The following TLK2 variants were observed in gnomAD, a reference collection of about 807,000 sequenced individuals.
TLK2 encodes the protein serine/threonine-protein kinase tousled-like 2.
In TLK2, 6 loss-of-function variants were observed where a neutral mutation model predicts 117.3. That is an observed-to-expected ratio of 0.05 (90% confidence interval 0.03 to 0.10). The LOEUF (loss-of-function observed/expected upper bound fraction) is 0.10, where lower values mean the gene tolerates loss of function less well. Ranked by LOEUF, TLK2 falls within the 10% of genes least tolerant of loss-of-function variation. The pLI is 1.00. For missense variants in TLK2, 299 were observed against 901.2 expected, an observed-to-expected ratio of 0.33 and a Z score of 8.56; for synonymous variants, 257 against 316.7, an observed-to-expected ratio of 0.81 and a Z score of 2.00.
At chr17:62,505,982 C>T (rs1178317976) in intron 2 of TLK2, among the ~76,000 whole-genome samples, 2 of 152,158 alleles carry the variant, frequency 1.3e-5, no homozygotes, top group East Asian at 3.8e-4. Context: ...TGTGAGCCTC[C>T]GCACCCAGTC....
intron 6 of TLK2, among the ~76,000 whole-genome samples, chr17:62,526,444 C>G (rs917660649): frequency 1.6e-4 from 25 of 152,280 alleles, no homozygotes; most frequent in Admixed American, 1.2e-3. Context: ...ATCAGAAGAG[C>G]ATTTCCACAT....
At chr17:62,558,255 G>A (rs978836171) in intron 9 of TLK2, among the ~76,000 whole-genome samples, 1 of 151,076 alleles carries the variant, frequency 6.6e-6, no homozygotes, top group African/African-American at 2.4e-5. Flanking sequence ...CTGCAGCCTC[G>A]ACCTCCCAGG....
chr17:62,553,883 T>C (rs1230089737), intron 9 of TLK2, 128 bp downstream of exon 9: 13 of 640,092 alleles, frequency 2.0e-5, no homozygotes, highest in Admixed American at 3.1e-5. Context: ...TGGGTATTTT[T>C]CTTTAATTGA....
chr17:62,536,662 A>G (rs1224688729), intron 7 of TLK2, among the ~76,000 whole-genome samples: 5 of 152,224 alleles, frequency 3.3e-5, no homozygotes, highest in African/African-American at 1.2e-4. Context: ...ACCAAGATAT[A>G]ATTAAAAATA....
At chr17:62,521,442 T>C (rs2076043117) in intron 3 of TLK2, among the ~76,000 whole-genome samples, 1 of 152,240 alleles carries the variant, frequency 6.6e-6, no homozygotes, top group Admixed American at 6.5e-5. Flanking sequence ...CCTCGCTCTG[T>C]CATGCAGGTC....
intron 2 of TLK2, among the ~76,000 whole-genome samples, chr17:62,498,390 CT>C (rs34118887): frequency 0.39 from 55,033 of 142,690 alleles, 9,793 homozygotes; most frequent in Admixed American, 0.43. Flanking sequence ...GAAAGCCCCC[CT>C]TTTTTTTTTT....
intron 2 of TLK2, among the ~76,000 whole-genome samples, chr17:62,493,518 T>C (rs930764274): frequency 3.9e-5 from 6 of 152,222 alleles, no homozygotes; most frequent in Admixed American, 1.3e-4. Context: ...GAAGTTGAAT[T>C]GTTGGATCAT....
At position 62,614,615 on chromosome 17, in the gene TLK2, A is replaced by C. The variant is rs766911108; in HGVS notation, c.*2050A>C. The C allele has an allele frequency of 1.3e-5, 2 of 152,174 alleles. No homozygotes were observed. Among genetic ancestry groups the C allele is most frequent in the Non-Finnish European group, 2.9e-5 (2 of 68,030 alleles). The allele number at this position is 152,174 out of a possible 1,614,324, so 9.4% of individuals were successfully genotyped here. A position where few individuals can be genotyped will look rare whatever the true frequency, so the allele number is the denominator to read the frequency against. Reference sequence around the variant, plus strand: ...AGTGTTTCAAATTGGAGAGAAGTTCATGGGTAGGTATCGTCCTGTGGAATT... The same window carrying C: ...AGTGTTTCAAATTGGAGAGAAGTTCCTGGGTAGGTATCGTCCTGTGGAATT... On this transcript the variant is annotated 3_prime_UTR_variant, in exon 22 of 22. Transcript: ENST00000346027.
intron 15 of TLK2, among the ~76,000 whole-genome samples, 155 bp downstream of exon 15, chr17:62,580,347 A>G (rs185789112): frequency 3.9e-5 from 6 of 152,290 alleles, no homozygotes; most frequent in Admixed American, 6.5e-5. Flanking sequence ...ACAGCTTTCA[A>G]TAAACCTAAG....
intron 8 of TLK2, 86 bp from the exon 9 acceptor site, chr17:62,553,577 C>A (rs576540391): frequency 7.7e-6 from 7 of 910,796 alleles, no homozygotes; most frequent in Non-Finnish European, 1.2e-5. Flanking sequence ...TTTTTCCCAC[C>A]CCCCCGAGAA....
intron 20 of TLK2, among the ~76,000 whole-genome samples, chr17:62,606,901 A>G (rs1013637406): frequency 2.6e-5 from 4 of 151,908 alleles, no homozygotes; most frequent in Non-Finnish European, 5.9e-5. Context: ...GGCTGTGGGT[A>G]TAAGCCAGAT....
intron 11 of TLK2, among the ~76,000 whole-genome samples, chr17:62,570,617 A>G (rs189959839): frequency 2.6e-5 from 4 of 152,288 alleles, no homozygotes; most frequent in Non-Finnish European, 5.9e-5. Flanking sequence ...AGGAACATCA[A>G]GAATTGATAT....
At chr17:62,516,805 C>G in intron 2 of TLK2, 1 of 1,291,196 alleles carries the variant, frequency 7.7e-7, no homozygotes, top group Non-Finnish European at 1.1e-6. Flanking sequence ...GGCTGGAAAG[C>G]TAGTTTTAGT....
At chr17:62,604,568 A>C (rs989416849) in intron 19 of TLK2, among the ~76,000 whole-genome samples, 10 of 152,306 alleles carry the variant, frequency 6.6e-5, no homozygotes, top group Middle Eastern at 3.4e-3. Flanking sequence ...AGACCTAGAA[A>C]GGGATTTGCC....
chr17:62,549,121 C>T (rs1462289766), intron 7 of TLK2, among the ~76,000 whole-genome samples: 4 of 146,656 alleles, frequency 2.7e-5, no homozygotes, highest in Non-Finnish European at 3.0e-5. Flanking sequence ...GGGCCGGGCG[C>T]GGTGGCTCAC....
rs974841844 is a variant in TLK2 at position 62,600,915 on chromosome 17, A to G, written c.1720+95A>G. On this transcript the variant is annotated intron_variant, in intron 18 of 21. Coordinates refer to ENST00000346027, the MANE Select transcript of TLK2 (RefSeq NM_006852.6). Reference sequence around the variant, plus strand: ...AAAGTTAGAGAATTTCACAGCAGCCAAGAAAGGCTAATAACATCTGACTTT... The same window carrying G: ...AAAGTTAGAGAATTTCACAGCAGCCGAGAAAGGCTAATAACATCTGACTTT... 8 of 1,254,948 alleles carry G rather than the reference A, an allele frequency of 6.4e-6. No homozygotes were observed. In the African/African-American group the frequency reaches 9.1e-5, roughly 14 times the overall value. The allele number at this position is 1,254,948 out of a possible 1,614,324, so 77.7% of individuals were successfully genotyped here.
chr17:62,498,408 G>A (rs1008280917), intron 2 of TLK2, among the ~76,000 whole-genome samples: 3 of 85,620 alleles, frequency 3.5e-5, no homozygotes, highest in African/African-American at 9.2e-5. Context: ...TTTTTTTTTT[G>A]AGACAAAGTC....
chr17:62,521,814 T>C (rs1286767506), intron 3 of TLK2, among the ~76,000 whole-genome samples: 1 of 152,134 alleles, frequency 6.6e-6, no homozygotes, highest in African/African-American at 2.4e-5. Flanking sequence ...ACTTTGTACT[T>C]TGCAGATCTC....
intron 15 of TLK2, 21 bp downstream of exon 15, chr17:62,580,213 A>C: frequency 1.3e-6 from 2 of 1,575,328 alleles, no homozygotes; most frequent in South Asian, 2.3e-5. Flanking sequence ...GGAACTGGAT[A>C]CAAAGACTGG....
Sources: allele counts gnomAD v4.1 joint callset (sites outside exome capture counted in the v4.1 genomes callset), GRCh38; gene constraint gnomAD v4.1.1; transcripts MANE v1.5; gene names NCBI Gene and HGNC (gene_info 2026-07-23, HGNC 2026-07-21).